The following TADA1 variants were observed in gnomAD, a reference collection of about 807,000 sequenced individuals.
TADA1 encodes transcriptional adaptor 1, also known as transcriptional adapter 1.
A neutral mutation model predicts 39.3 loss-of-function variants in TADA1; 23 were observed. That is an observed-to-expected ratio of 0.58 (90% CI 0.42 to 0.83). The LOEUF (loss-of-function observed/expected upper bound fraction) is 0.83. TADA1 is among the 40% of genes least tolerant of loss of function. TADA1 has a pLI of 0.00. For synonymous variants in TADA1, 137 were observed against 151.8 expected, an observed-to-expected ratio of 0.90 and a Z score of 0.72; for missense variants, 352 against 408.1, an observed-to-expected ratio of 0.86 and a Z score of 1.18.
At chr1:166,862,881 G>T (rs1658447587) in intron 4 of TADA1, 1 of 168,474 alleles carries the variant, frequency 5.9e-6, no homozygotes, top group Non-Finnish European at 1.3e-5. Context: ...GCTATGTAGA[G>T]TAACTACTTA....
At chr1:166,865,191 A>G (rs1369993316) in intron 3 of TADA1, among the ~76,000 whole-genome samples, 1 of 152,234 alleles carries the variant, frequency 6.6e-6, no homozygotes, top group East Asian at 1.9e-4. Flanking sequence ...TTCATCCATG[A>G]AACAAGATGC....
chr1:166,860,453 T>C lies in TADA1; in HGVS notation c.541-116A>G, dbSNP rs1030005717. ...TAGATGGAGATGCAGAATAGGTTAG[T>C]ATATGCTAGAACCAAATGAATGTTC... On this transcript the variant is annotated intron_variant, in intron 5 of 7. Coordinates refer to ENST00000367874, the MANE Select transcript of TADA1 (RefSeq NM_053053.4). The C allele has an allele frequency of 4.0e-6, 4 of 1,007,916 alleles. No homozygotes were observed. The African/African-American group carries it at 6.5e-5, about 16-fold the overall frequency. 62.4% of individuals were successfully genotyped at this position (1,007,916 alleles called of 1,614,324 possible). A position where few individuals can be genotyped will look rare whatever the true frequency, so the allele number is the denominator to read the frequency against.
At position 166,857,514 on chromosome 1, in the gene TADA1, A is replaced by C. The variant is rs938540009; in HGVS notation, c.*53T>G. ...TGAAATGTGGACCCAAAAAACATTC[A>C]ATTTTCAGTAATCAATGAATTCGGT... On this transcript the variant is annotated 3_prime_UTR_variant, in exon 8 of 8. Transcript: ENST00000367874. The C allele has an allele frequency of 8.3e-5, 133 of 1,599,724 alleles. No individual in the cohort carries two copies. In the African/African-American group the frequency reaches 1.7e-3, roughly 21 times the overall value.
chr1:166,874,159 G>A (rs1658716135), intron 1 of TADA1, among the ~76,000 whole-genome samples: 1 of 151,706 alleles, frequency 6.6e-6, no homozygotes, highest in Admixed American at 6.6e-5. Flanking sequence ...TGGCCAAGAT[G>A]GTGAAACCCC....
chr1:166,867,530 T>C (rs535804465), intron 3 of TADA1, among the ~76,000 whole-genome samples: 1 of 151,880 alleles, frequency 6.6e-6, no homozygotes, highest in Admixed American at 6.6e-5. Flanking sequence ...TTACTACACA[T>C]TAACAACGAC....
intron 3 of TADA1, among the ~76,000 whole-genome samples, chr1:166,865,773 A>C (rs1658517527): frequency 6.6e-6 from 1 of 151,980 alleles, no homozygotes; most frequent in African/African-American, 2.4e-5. Context: ...GAGCCGAGAA[A>C]GCACCACTGC....
At chr1:166,862,984 G>T (rs1658450478) in intron 4 of TADA1, 1 of 154,676 alleles carries the variant, frequency 6.5e-6, no homozygotes, top group African/African-American at 2.4e-5. Context: ...TAAAATCTCA[G>T]CCTTCCTCAG....
chr1:166,862,793 T>C (rs1021816527), intron 4 of TADA1: 1 of 219,468 alleles, frequency 4.6e-6, no homozygotes, highest in Non-Finnish European at 9.1e-6. Context: ...TATAAACATA[T>C]AATGAATGAT....
chr1:166,869,608 A>G (rs1009664127), intron 2 of TADA1, 98 bp from the exon 3 acceptor site: 6 of 1,422,946 alleles, frequency 4.2e-6, no homozygotes, highest in Middle Eastern at 1.8e-4. Flanking sequence ...GATATCCCCT[A>G]TTCTGCCATG....
At chr1:166,857,779 T>C in intron 7 of TADA1, 60 bp from the exon 8 acceptor site, 2 of 1,566,154 alleles carry the variant, frequency 1.3e-6, no homozygotes, top group Non-Finnish European at 1.7e-6. Context: ...TTTTCTGACA[T>C]ATAAAAGGGT....
intron 3 of TADA1, among the ~76,000 whole-genome samples, chr1:166,866,498 T>G (rs998653958): frequency 2.6e-5 from 4 of 152,160 alleles, no homozygotes; most frequent in Admixed American, 2.6e-4. Flanking sequence ...TCCAAAATTG[T>G]GAGGTACAAA....
At chr1:166,862,522 T>A in intron 4 of TADA1, 110 bp from the exon 5 acceptor site, 2 of 808,162 alleles carry the variant, frequency 2.5e-6, no homozygotes, top group South Asian at 3.3e-5. Context: ...ACCAAAACTA[T>A]ACCACAGGGG....
intron 7 of TADA1, 144 bp downstream of exon 7, chr1:166,857,975 A>G (rs1658319103): frequency 1.9e-6 from 2 of 1,080,842 alleles, no homozygotes; most frequent in Non-Finnish European, 2.7e-6. Flanking sequence ...AAATGAGGCT[A>G]GTATTAATAA....
rs181228604 is a variant in TADA1 at position 166,865,917 on chromosome 1, C to T, written c.233-1996G>A. On this transcript the variant is annotated intron_variant, in intron 3 of 7. Transcript: ENST00000367874. ...CAATTTTGATATTTTTGGAAAGAAACGTTTTTAACGCTTTGAAAAAAAAAA... is the reference window on the plus strand; with the variant it reads ...CAATTTTGATATTTTTGGAAAGAAATGTTTTTAACGCTTTGAAAAAAAAAA... 4.3e-5 allele frequency among the ~76,000 whole-genome samples: 6 copies of T among 138,764 alleles called. No homozygotes were observed. The East Asian group carries it at 1.0e-3, about 23-fold the overall frequency. 91.0% of individuals were successfully genotyped at this position (138,764 alleles called of 152,430 possible).
chr1:166,858,235 G>T lies in TADA1; in HGVS notation c.739C>A (p.His247Asn). The T allele has an allele frequency of 6.2e-7, 1 of 1,609,486 alleles. No homozygotes were observed. Among genetic ancestry groups the T allele is most frequent in the Non-Finnish European group, 8.5e-7 (1 of 1,178,420 alleles). Residue 247 changes from histidine (H) to asparagine (N), a missense_variant, in exon 7 of 8, where the codon CAC (histidine) becomes AAC (asparagine). By Grantham distance (68) the His-to-Asn change is moderately conservative. Transcript: ENST00000367874. ...APCAGQNPAS[H>N]PPPDDAEQQA... ...TGCTCAGCATCATCAGGGGGTGGGT[G>T]AGAAGCTGGATTCTGACCAGCACAG...
intron 1 of TADA1, 83 bp from the exon 2 acceptor site, chr1:166,869,937 G>T (rs4657609): frequency 2.5e-6 from 3 of 1,204,304 alleles, no homozygotes; most frequent in South Asian, 1.3e-5. Context: ...TTAAAGAGAC[G>T]GGGTTTTTTA....
At position 166,858,236 on chromosome 1, in the gene TADA1, A is replaced by G. The variant is rs142940492; in HGVS notation, c.738T>C (p.Ser246=). ...TAPCAGQNPA[S]HPPPDDAEQQ... is the part of the protein sequence containing the mutation. ...GCTCAGCATCATCAGGGGGTGGGTG[A>G]GAAGCTGGATTCTGACCAGCACAGG... is the stretch of plus-strand genomic sequence containing the variant. Residue 246 remains serine, a synonymous_variant, in exon 7 of 8, where the codon TCT becomes TCC. Coordinates refer to ENST00000367874, the MANE Select transcript of TADA1 (RefSeq NM_053053.4). The G allele has an allele frequency of 9.0e-5, 145 of 1,609,602 alleles. No individual in the cohort carries two copies. The highest frequency in any genetic ancestry group is 1.2e-4 in the Non-Finnish European group (139 of 1,178,538).
chr1:166,874,918 T>C lies in TADA1; in HGVS notation c.74+1242A>G, dbSNP rs150625314. Among the ~76,000 whole-genome samples, 7 of 152,348 alleles carry C rather than the reference T, an allele frequency of 4.6e-5. No homozygotes were observed. The East Asian group carries it at 1.3e-3, about 29-fold the overall frequency. ...ATTATTATCTTGTTAGGATGAAAAG[T>C]AGACTGTCAACTCTGCCACCCCAAA... On this transcript the variant is annotated intron_variant, in intron 1 of 7. Coordinates refer to ENST00000367874, the MANE Select transcript of TADA1 (RefSeq NM_053053.4).
intron 3 of TADA1, among the ~76,000 whole-genome samples, chr1:166,864,373 T>C (rs1454608962): frequency 6.6e-6 from 1 of 152,066 alleles, no homozygotes; most frequent in East Asian, 1.9e-4. Flanking sequence ...TGTCAACAAA[T>C]TTCTAGGATG....
Sources: gnomAD v4.1 joint callset for allele counts (sites outside exome capture counted in the v4.1 genomes callset) on GRCh38, gnomAD v4.1.1 for gene constraint, MANE v1.5 for transcripts, NCBI Gene and HGNC (gene_info 2026-07-23, HGNC 2026-07-21) for gene names.